ITPR1: variants seen among roughly 807,000 people sequenced by gnomAD.
ITPR1 encodes the protein inositol 1,4,5-trisphosphate-gated calcium channel ITPR1.
ITPR1 carries 96 observed loss-of-function variants against 318.4 expected under a neutral mutation model. The observed-to-expected ratio is 0.30, with a 90% CI of 0.26 to 0.36. ITPR1 has a LOEUF of 0.36. ITPR1 is among the 10% of genes least tolerant of loss of function. The pLI is 1.00. For missense variants in ITPR1, 2,440 were observed against 3,460.2 expected (o/e 0.71, Z 7.40); for synonymous variants, 1,312 against 1,289.9 (o/e 1.02, Z -0.37).
intron 4 of ITPR1, among the ~76,000 whole-genome samples, chr3:4,605,475 C>T (rs1405946553): frequency 6.6e-6 from 1 of 152,224 alleles, no homozygotes; most frequent in East Asian, 1.9e-4. Context: ...ATTAGATTTG[C>T]TGAAGTTGAT....
intron 58 of ITPR1, 37 bp downstream of exon 58, chr3:4,814,599 GCGGGT>G: frequency 4.4e-5 from 56 of 1,277,126 alleles, no homozygotes; most frequent in Non-Finnish European, 5.7e-5. Flanking sequence ...GGCAAAGGGG[GCGGGT>G]GGGGTGGTTG....
intron 44 of ITPR1, among the ~76,000 whole-genome samples, chr3:4,743,029 G>A (rs768389038): frequency 3.9e-5 from 6 of 152,228 alleles, no homozygotes; most frequent in South Asian, 4.1e-4. Flanking sequence ...AAGTAATTGC[G>A]GTTTTTGCCA....
At chr3:4,553,523 T>G (rs1166143718) in intron 4 of ITPR1, among the ~76,000 whole-genome samples, 1 of 151,844 alleles carries the variant, frequency 6.6e-6, no homozygotes, top group Admixed American at 6.6e-5. Flanking sequence ...CTCTACCTCC[T>G]GGGCTTAAGC....
At chr3:4,608,311 A>G (rs2091844171) in intron 4 of ITPR1, among the ~76,000 whole-genome samples, 1 of 152,160 alleles carries the variant, frequency 6.6e-6, no homozygotes, top group Non-Finnish European at 1.5e-5. Flanking sequence ...ACAGCCCTAC[A>G]GGATTTGAGG....
chr3:4,645,764 G>C, intron 10 of ITPR1, 36 bp downstream of exon 10: 1 of 1,584,480 alleles, frequency 6.3e-7, no homozygotes, highest in South Asian at 1.1e-5. Flanking sequence ...CCTGGGTTTA[G>C]AGGATATCAG....
At chr3:4,584,212 TG>T (rs1215854962) in intron 4 of ITPR1, among the ~76,000 whole-genome samples, 8 of 152,210 alleles carry the variant, frequency 5.3e-5, no homozygotes, top group Non-Finnish European at 1.0e-4. Context: ...ATGTTCATTA[TG>T]TATGAAGTCA....
At chr3:4,694,717 G>A (rs2094531506) in intron 33 of ITPR1, among the ~76,000 whole-genome samples, 1 of 152,170 alleles carries the variant, frequency 6.6e-6, no homozygotes, top group Admixed American at 6.5e-5. Flanking sequence ...AAAAGGTCCA[G>A]TAAAAATTGG....
At chr3:4,535,512 G>A (rs1357267668) in intron 4 of ITPR1, among the ~76,000 whole-genome samples, 1 of 131,788 alleles carries the variant, frequency 7.6e-6, no homozygotes, top group African/African-American at 2.8e-5. Context: ...GCGCAATCTC[G>A]GCTCACTCCA....
At chr3:4,521,493 A>G (rs1453938607) in intron 4 of ITPR1, among the ~76,000 whole-genome samples, 3 of 152,172 alleles carry the variant, frequency 2.0e-5, no homozygotes, top group African/African-American at 4.8e-5. Flanking sequence ...ATCTAATGAT[A>G]CCTCACTGAA....
intron 45 of ITPR1, chr3:4,768,141 G>A (rs757188162): frequency 8.7e-5 from 16 of 184,868 alleles, no homozygotes; most frequent in Non-Finnish European, 1.2e-4. Flanking sequence ...ATTGTGATTA[G>A]CATTATGTTG....
intron 51 of ITPR1, among the ~76,000 whole-genome samples, chr3:4,784,162 G>C (rs1454118518): frequency 6.6e-6 from 1 of 152,186 alleles, no homozygotes; most frequent in Non-Finnish European, 1.5e-5. Context: ...CACGAGGACA[G>C]GTGGGAGGCA....
At chr3:4,541,966 C>T (rs1430564645) in intron 4 of ITPR1, among the ~76,000 whole-genome samples, 4 of 152,156 alleles carry the variant, frequency 2.6e-5, no homozygotes, top group Admixed American at 2.6e-4. Context: ...TTCATCTTTG[C>T]TCCATAGGCT....
At chr3:4,828,910 G>T (rs1216774807) in intron 60 of ITPR1, among the ~76,000 whole-genome samples, 1 of 152,100 alleles carries the variant, frequency 6.6e-6, no homozygotes, top group Admixed American at 6.5e-5. Flanking sequence ...GGCTTAGCTG[G>T]TAAAAAGAGA....
chr3:4,606,273 C>T (rs981192395), intron 4 of ITPR1, among the ~76,000 whole-genome samples: 3 of 151,896 alleles, frequency 2.0e-5, no homozygotes, highest in African/African-American at 7.3e-5. Context: ...GGATGGAGGA[C>T]AAAAAAGTCT....
chr3:4,665,980 T>G (rs76658907), intron 17 of ITPR1, among the ~76,000 whole-genome samples: 3,049 of 152,278 alleles, frequency 0.02, 49 homozygotes, highest in Non-Finnish European at 0.031. Context: ...ATGGTGCTGC[T>G]GGCATCTGGT....
chr3:4,841,050 C>G (rs2051306642), intron 61 of ITPR1, among the ~76,000 whole-genome samples: 1 of 152,136 alleles, frequency 6.6e-6, no homozygotes, highest in African/African-American at 2.4e-5. Flanking sequence ...AGGCATAACA[C>G]AAGATTAGAA....
chr3:4,727,751 A>G (rs895580272), intron 42 of ITPR1, among the ~76,000 whole-genome samples: 6 of 151,992 alleles, frequency 3.9e-5, no homozygotes, highest in African/African-American at 1.2e-4. Context: ...TTTATTTTTT[A>G]TTTTTGTAGA....
chr3:4,746,994 T>A (rs535559987), intron 44 of ITPR1, among the ~76,000 whole-genome samples: 1 of 152,326 alleles, frequency 6.6e-6, no homozygotes, highest in East Asian at 1.9e-4. Context: ...CTTCTTACCA[T>A]TTTTGAATAG....
chr3:4,764,211 G>A (rs1379748075), intron 44 of ITPR1, among the ~76,000 whole-genome samples: 2 of 152,190 alleles, frequency 1.3e-5, no homozygotes, highest in East Asian at 3.8e-4. Context: ...GGGTTCAAGA[G>A]CTCTCAAAGA....
Sources: allele counts gnomAD v4.1 joint callset (sites outside exome capture counted in the v4.1 genomes callset), GRCh38; gene constraint gnomAD v4.1.1; transcripts MANE v1.5; gene names NCBI Gene and HGNC (gene_info 2026-07-23, HGNC 2026-07-21).